The following EPB41L2 variants were observed in gnomAD, a reference collection of about 807,000 sequenced individuals.
EPB41L2 encodes erythrocyte membrane protein band 4.1 like 2, also known as band 4.1-like protein 2.
Under a neutral mutation model 113.0 loss-of-function variants are expected in EPB41L2, and 43 were observed. The observed-to-expected ratio is 0.38, with a 90% CI of 0.30 to 0.49. The LOEUF (loss-of-function observed/expected upper bound fraction) is 0.49. EPB41L2 is among the 20% of genes least tolerant of loss of function. EPB41L2 has a pLI of 0.95. For missense variants in EPB41L2, 1,147 were observed against 1,223.4 expected, an observed-to-expected ratio of 0.94 and a Z score of 0.93; for synonymous variants, 442 against 436.7, an observed-to-expected ratio of 1.01 and a Z score of -0.15.
intron 1 of EPB41L2, among the ~76,000 whole-genome samples, chr6:130,965,709 T>C (rs1032743607): frequency 6.7e-6 from 1 of 150,314 alleles, no homozygotes; most frequent in Non-Finnish European, 1.5e-5. Flanking sequence ...GAGGTACTTG[T>C]CACACTCTTA....
At chr6:130,949,046 A>C (rs758774766) in intron 3 of EPB41L2, among the ~76,000 whole-genome samples, 4 of 152,236 alleles carry the variant, frequency 2.6e-5, no homozygotes, top group Non-Finnish European at 5.9e-5. Context: ...ACAGACCTAG[A>C]AACCGGTATC....
At chr6:130,977,851 T>C (rs1033478207) in intron 1 of EPB41L2, among the ~76,000 whole-genome samples, 1 of 152,210 alleles carries the variant, frequency 6.6e-6, no homozygotes, top group Non-Finnish European at 1.5e-5. Context: ...TAGCTACTGG[T>C]AAAGTGCAAA....
chr6:130,883,142 G>A (rs1391260919), intron 12 of EPB41L2: 1 of 152,622 alleles, frequency 6.6e-6, no homozygotes, highest in Non-Finnish European at 1.5e-5. Flanking sequence ...GTGGATGAGA[G>A]GTGAAGGTGG....
intron 6 of EPB41L2, among the ~76,000 whole-genome samples, chr6:130,903,051 T>C (rs1796725853): frequency 6.6e-6 from 1 of 152,154 alleles, no homozygotes; most frequent in African/African-American, 2.4e-5. Flanking sequence ...CTGAGCAGAC[T>C]ATATTGTTCC....
intron 1 of EPB41L2, among the ~76,000 whole-genome samples, chr6:130,997,798 G>A (rs1562695556): frequency 6.6e-6 from 1 of 152,080 alleles, no homozygotes; most frequent in Non-Finnish European, 1.5e-5. Flanking sequence ...AGCTAAACAT[G>A]GAGAATGACA....
chr6:131,060,948 C>T (rs755773017), intron 1 of EPB41L2, among the ~76,000 whole-genome samples: 13 of 152,256 alleles, frequency 8.5e-5, no homozygotes, highest in Middle Eastern at 3.4e-3. Flanking sequence ...AAAAATTTTA[C>T]TGAAATTATA....
intron 12 of EPB41L2, chr6:130,881,557 T>C (rs1037140369): frequency 6.6e-6 from 1 of 152,150 alleles, no homozygotes; most frequent in African/African-American, 2.4e-5. Context: ...CTGTATGTAT[T>C]GGTAGGATCC....
intron 1 of EPB41L2, among the ~76,000 whole-genome samples, chr6:131,042,795 G>A (rs1370400646): frequency 2.0e-5 from 3 of 152,148 alleles, no homozygotes; most frequent in Non-Finnish European, 4.4e-5. Flanking sequence ...TCACTTGAAC[G>A]GAAAACCTGG....
chr6:130,933,526 C>T (rs1050131541), intron 3 of EPB41L2, among the ~76,000 whole-genome samples: 5 of 151,334 alleles, frequency 3.3e-5, no homozygotes, highest in African/African-American at 1.2e-4. Flanking sequence ...CTTTGGTCTA[C>T]TTTCCAGGTA....
At chr6:131,009,270 C>G (rs1786348319) in intron 1 of EPB41L2, among the ~76,000 whole-genome samples, 1 of 152,188 alleles carries the variant, frequency 6.6e-6, no homozygotes. Flanking sequence ...ATTCACTCTC[C>G]TGCTGCCCTG....
At chr6:130,991,981 T>C (rs1160243862) in intron 1 of EPB41L2, among the ~76,000 whole-genome samples, 1 of 151,982 alleles carries the variant, frequency 6.6e-6, no homozygotes, top group Non-Finnish European at 1.5e-5. Context: ...AGGAGAGTGA[T>C]ACTTCCTGGA....
intron 3 of EPB41L2, among the ~76,000 whole-genome samples, chr6:130,948,217 T>C (rs1175147477): frequency 1.3e-5 from 2 of 152,198 alleles, no homozygotes; most frequent in Non-Finnish European, 2.9e-5. Flanking sequence ...CCAATTTAAA[T>C]CTTGGTGAAT....
rs1785113277 is a variant in EPB41L2 at position 130,869,954 on chromosome 6, G to A, written c.2216C>T (p.Ser739Phe). 1.9e-6 allele frequency: 3 copies of A among 1,613,474 alleles called. No individual in the cohort carries two copies. Among genetic ancestry groups the A allele is most frequent in the Non-Finnish European group, 1.7e-6 (2 of 1,180,014 alleles). Residue 739 changes from serine (S) to phenylalanine (F), a missense_variant, in exon 15 of 20, where the codon TCT becomes TTT. By Grantham distance (155) the Ser-to-Phe change is radical. Coordinates refer to ENST00000337057, the MANE Select transcript of EPB41L2 (RefSeq NM_001431.4). ...CTCACTGCTGCTGCTGCTGCTCTCA[G>A]AAGACAGGGAGGTGGAGTCTTTTTG... The part of the protein sequence containing the change: ...VTQKDSTSLS[S>F]ESSSSSSESE...
intron 1 of EPB41L2, among the ~76,000 whole-genome samples, chr6:131,058,398 C>G (rs546073807): frequency 3.9e-5 from 6 of 152,240 alleles, no homozygotes; most frequent in African/African-American, 1.4e-4. Flanking sequence ...AAACATGCCT[C>G]TAAGAAACTT....
chr6:130,877,468 A>C (rs1389159871), intron 14 of EPB41L2, among the ~76,000 whole-genome samples: 4 of 152,202 alleles, frequency 2.6e-5, no homozygotes, highest in Admixed American at 2.6e-4. Flanking sequence ...TATATCCTGA[A>C]GGCAATATGT....
At chr6:130,844,087 C>T (rs898724569) in intron 19 of EPB41L2, among the ~76,000 whole-genome samples, 6 of 152,186 alleles carry the variant, frequency 3.9e-5, no homozygotes, top group African/African-American at 1.2e-4. Context: ...ACTAGCAATG[C>T]TGCCTTTAAG....
intron 5 of EPB41L2, among the ~76,000 whole-genome samples, chr6:130,907,076 C>T (rs1797945892): frequency 6.6e-6 from 1 of 151,056 alleles, no homozygotes; most frequent in African/African-American, 2.4e-5. Flanking sequence ...AAGAGAGTGG[C>T]ACAAAAAAAA....
In EPB41L2 at chr6:130,954,040, C is replaced by CTTTCTTTTTT. The variant is rs1816373036; in HGVS notation, c.705+1064_705+1065insAAAAAAGAAA. Among the ~76,000 whole-genome samples the CTTTCTTTTTT allele has an allele frequency of 1.1e-3, 66 of 58,844 alleles. 2 individuals are homozygous for CTTTCTTTTTT. The highest frequency in any genetic ancestry group is 2.1e-3 in the Non-Finnish European group (64 of 30,212). The allele number at this position is 58,844 out of a possible 152,430, so 38.6% of individuals were successfully genotyped here. A position where few individuals can be genotyped will look rare whatever the true frequency, so the allele number is the denominator to read the frequency against. The stretch of plus-strand genomic sequence containing the variant: ...TCCTCTTTTGCTAGTCCTTTTCTTT[C>CTTTCTTTTTT]TTTTTTTTTTTTTTTTTTTTTTTTT... On this transcript the variant is annotated intron_variant, in intron 3 of 19. Transcript: ENST00000337057.
At chr6:131,046,769 C>T (rs980509354) in intron 1 of EPB41L2, among the ~76,000 whole-genome samples, 4 of 152,136 alleles carry the variant, frequency 2.6e-5, no homozygotes, top group Non-Finnish European at 4.4e-5. Flanking sequence ...TCCATTTTCC[C>T]GCTTCCCCTT....
Sources: allele counts gnomAD v4.1 joint callset (sites outside exome capture counted in the v4.1 genomes callset), GRCh38; gene constraint gnomAD v4.1.1; transcripts MANE v1.5; gene names NCBI Gene and HGNC (gene_info 2026-07-23, HGNC 2026-07-21).